Variants in ELP5 observed in about 807,000 individuals in gnomAD.
ELP5 encodes the protein elongator complex protein 5.
In ELP5, 34 loss-of-function variants were observed where a neutral mutation model predicts 33.4. The ratio of observed to expected loss-of-function variants is 1.02; its 90% CI spans 0.78 to 1.36. ELP5 has a LOEUF of 1.36. Among genes scored for constraint, ELP5 ranks in the 40% most tolerant of loss-of-function variants. The probability of loss-of-function intolerance (pLI) is 0.00; values close to 1 mark genes in which losing one functional copy is unlikely to be tolerated. For synonymous variants in ELP5, 161 were observed against 146.4 expected (o/e 1.10, Z -0.72); for missense variants, 373 against 371.7 (o/e 1.00, Z -0.03).
rs891110627 is a variant in ELP5 at position 7,254,587 on chromosome 17, G to A, written c.193G>A (p.Val65Ile). 2.5e-6 allele frequency: 4 copies of A among 1,608,772 alleles called. No individual in the cohort carries two copies. The highest frequency in any genetic ancestry group is 2.7e-5 in the African/African-American group (2 of 74,782). Residue 65 changes from valine (V) to isoleucine (I), a missense_variant, in exon 4 of 8, where the codon GTT becomes ATT. Transcript: ENST00000396628. ...GFDSDINNRL[V>I]YHDFFRDPLN... ...TGTCTTATTTTCCCTTTGCAGGCTG[G>A]TTTACCATGACTTCTTCAGAGACCC... is the stretch of plus-strand genomic sequence containing the variant.
At position 7,256,803 on chromosome 17, in the gene ELP5, C is replaced by T. The variant is rs769413860; in HGVS notation, c.410-54C>T. ...CTCTCTCTTCTTCACTGTTAGCTCCCAGGCCACCAACCTGAATGCTCCCTA... is the reference window on the plus strand; with the variant it reads ...CTCTCTCTTCTTCACTGTTAGCTCCTAGGCCACCAACCTGAATGCTCCCTA... On this transcript the variant is annotated intron_variant, in intron 4 of 7. Transcript: ENST00000396628. 3.8e-6 allele frequency: 6 copies of T among 1,582,438 alleles called. No homozygotes were observed. In the East Asian group the frequency reaches 1.1e-4, roughly 29 times the overall value.
At chr17:7,253,941 G>A (rs2072012892) in intron 3 of ELP5, among the ~76,000 whole-genome samples, 1 of 151,266 alleles carries the variant, frequency 6.6e-6, no homozygotes, top group African/African-American at 2.4e-5. Flanking sequence ...AGGTTGCAGT[G>A]AGCGGAGATC....
At chr17:7,252,638 C>T in intron 1 of ELP5, 42 bp downstream of exon 1, 1 of 1,603,778 alleles carries the variant, frequency 6.2e-7, no homozygotes, top group Non-Finnish European at 8.5e-7. Context: ...GGGTGCGGTT[C>T]GGGCCTGGCT....
chr17:7,252,454 C>A lies in ELP5; in HGVS notation c.-97C>A, dbSNP rs1244860116. ...ATGTTAGGTCTTAATGGTGGGAGGA[C>A]GCCCGAGTGCTCGGCCCGTTTCACC... On this transcript the variant is annotated 5_prime_UTR_variant, in exon 1 of 8. Transcript: ENST00000396628. 1.3e-6 allele frequency: 2 copies of A among 1,568,732 alleles called. No individual in the cohort carries two copies. The highest frequency in any genetic ancestry group is 1.1e-5 in the South Asian group (1 of 88,442).
chr17:7,259,096 AC>A, intron 7 of ELP5, 170 bp downstream of exon 7: 3 of 1,452,788 alleles, frequency 2.1e-6, no homozygotes, highest in Non-Finnish European at 2.7e-6. Flanking sequence ...ATGGCAGAGG[AC>A]CTTTATGTCT....
chr17:7,254,878 C>CAGATGTTTCTTCTAGGG, intron 4 of ELP5, 75 bp downstream of exon 4: 3 of 1,292,804 alleles, frequency 2.3e-6, no homozygotes, highest in Non-Finnish European at 3.3e-6. Context: ...CCTTTCTACC[C>CAGATGTTTCTTCTAGGG]TAGAATAAAC....
In ELP5 at chr17:7,252,217, T is replaced by G. The variant is rs981225531; in HGVS notation, c.-334T>G. 7.1e-6 allele frequency: 3 copies of G among 422,624 alleles called. No individual in the cohort carries two copies. Among genetic ancestry groups the G allele is most frequent in the Non-Finnish European group, 8.8e-6 (2 of 227,560 alleles). The allele number at this position is 422,624 out of a possible 1,614,324, so 26.2% of individuals were successfully genotyped here. On this transcript the variant is annotated 5_prime_UTR_variant, in exon 1 of 8. Coordinates refer to ENST00000396628, the MANE Select transcript of ELP5 (RefSeq NM_203414.3). ...GCGTGGGCGGGGAGAGTGACGTCACTTGGCCCGCGCTTAGGGCCCTCGCGG... is the reference window on the plus strand; with the variant it reads ...GCGTGGGCGGGGAGAGTGACGTCACGTGGCCCGCGCTTAGGGCCCTCGCGG...
chr17:7,259,198 T>C (rs1003206825), intron 7 of ELP5: 93 of 1,389,482 alleles, frequency 6.7e-5, no homozygotes, highest in Non-Finnish European at 8.7e-5. Flanking sequence ...CCTTGGGAGG[T>C]GGCCCTATCC....
chr17:7,258,564 A>C, intron 5 of ELP5, 24 bp from the exon 6 acceptor site: 1 of 1,611,112 alleles, frequency 6.2e-7, no homozygotes, highest in South Asian at 1.1e-5. Context: ...AGATGAAAAA[A>C]ACTCTTTTCT....
intron 3 of ELP5, 22 bp from the exon 4 acceptor site, chr17:7,254,561 G>T (rs2072028920): frequency 6.3e-7 from 1 of 1,575,866 alleles, no homozygotes; most frequent in Non-Finnish European, 8.7e-7. Flanking sequence ...ATATTATATT[G>T]TGTCTTATTT....
intron 5 of ELP5, 42 bp downstream of exon 5, chr17:7,257,080 A>T (rs1463846116): frequency 2.0e-6 from 3 of 1,502,046 alleles, no homozygotes; most frequent in Middle Eastern, 2.3e-4. Context: ...CGGGGGACAG[A>T]GAAAGGGGTG....
chr17:7,252,496 C>G lies in ELP5; in HGVS notation c.-55C>G. ...CGTTTCACCCCGAGGAGGAAGGACACTGGGTCATGACGCCATCAGAGGGCG... is the reference window on the plus strand; with the variant it reads ...CGTTTCACCCCGAGGAGGAAGGACAGTGGGTCATGACGCCATCAGAGGGCG... On this transcript the variant is annotated 5_prime_UTR_variant, in exon 1 of 8. Coordinates refer to ENST00000396628, the MANE Select transcript of ELP5 (RefSeq NM_203414.3). 6.2e-7 allele frequency: 1 copy of G among 1,613,404 alleles called. No individual in the cohort carries two copies. The highest frequency in any genetic ancestry group is 1.3e-5 in the African/African-American group (1 of 75,050).
In ELP5 at chr17:7,253,000, T is replaced by C. The variant is rs111599214; in HGVS notation, c.188+2T>C. ...TTTTGACTCTGATATCAACAATCGG[T>C]AAGTACCAGTTGGAAGAGATTTGAT... On this transcript the variant is annotated splice_donor_variant, in intron 3 of 7. Coordinates refer to ENST00000396628, the MANE Select transcript of ELP5 (RefSeq NM_203414.3). LOFTEE classifies it high-confidence loss of function. 1 of 1,614,062 alleles carries C rather than the reference T, an allele frequency of 6.2e-7. No homozygotes were observed. The highest frequency in any genetic ancestry group is 8.5e-7 in the Non-Finnish European group (1 of 1,179,888).
intron 6 of ELP5, 46 bp from the exon 7 acceptor site, chr17:7,258,780 G>A: frequency 6.2e-7 from 1 of 1,614,130 alleles, no homozygotes; most frequent in African/African-American, 1.3e-5. Flanking sequence ...GTGGGGTCAG[G>A]GATTCTAGGG....
chr17:7,256,815 C>T (rs751674124), intron 4 of ELP5, 42 bp from the exon 5 acceptor site: 1 of 1,604,816 alleles, frequency 6.2e-7, no homozygotes, highest in Non-Finnish European at 8.5e-7. Context: ...GGCCACCAAC[C>T]TGAATGCTCC....
rs143238064 is a variant in ELP5 at position 7,259,895 on chromosome 17, C to T, written c.*210C>T. The T allele has an allele frequency of 2.4e-3, 1,453 of 605,382 alleles. 18 individuals are homozygous for T. In the African/African-American group the frequency reaches 0.025, roughly 10 times the overall value. The allele number at this position is 605,382 out of a possible 1,614,324, so 37.5% of individuals were successfully genotyped here. A position where few individuals can be genotyped will look rare whatever the true frequency, so the allele number is the denominator to read the frequency against. On this transcript the variant is annotated 3_prime_UTR_variant, in exon 8 of 8. Coordinates refer to ENST00000396628, the MANE Select transcript of ELP5 (RefSeq NM_203414.3). ...CATGGGGTAATGTGAGAGAGTAGAA[C>T]ACCCCCGTACCTAATAAAAATCTTT... is the stretch of plus-strand genomic sequence containing the variant.
chr17:7,253,286 C>G (rs1259365575), intron 3 of ELP5, among the ~76,000 whole-genome samples: 3 of 152,172 alleles, frequency 2.0e-5, no homozygotes, highest in Non-Finnish European at 4.4e-5. Flanking sequence ...CTTTAAGGTA[C>G]ATATGTACCG....
rs1284300493 is a variant in ELP5, at chr17:7,256,952, C to T, written c.505C>T (p.Gln169Ter). Residue 169 changes from glutamine to a stop codon, truncating the protein, a stop_gained, in exon 5 of 8, where the codon CAG (glutamine) becomes TAG (stop). Transcript: ENST00000396628. LOFTEE classifies it high-confidence loss of function. ...TGTGGGAGCTCTCAGCAGCCTTGCT[C>T]AGACTGAGGTGACCCTGGGCGGTAC... is the stretch of plus-strand genomic sequence containing the variant. ...GPVGALSSLA[Q>*]TEVTLGGTMG... The T allele has an allele frequency of 6.2e-7, 1 of 1,613,678 alleles. No homozygotes were observed. Among genetic ancestry groups the T allele is most frequent in the Non-Finnish European group, 8.5e-7 (1 of 1,180,026 alleles).
intron 5 of ELP5, among the ~76,000 whole-genome samples, chr17:7,257,577 C>T (rs2072106125): frequency 7.0e-6 from 1 of 143,692 alleles, no homozygotes; most frequent in Non-Finnish European, 1.5e-5. Flanking sequence ...GGTGGGAGCA[C>T]AGGCATGTAG....
Sources: gnomAD v4.1 joint callset for allele counts (sites outside exome capture counted in the v4.1 genomes callset) on GRCh38, gnomAD v4.1.1 for gene constraint, MANE v1.5 for transcripts, NCBI Gene and HGNC (gene_info 2026-07-23, HGNC 2026-07-21) for gene names.